Variants in OSBPL3 observed in about 807,000 individuals in gnomAD.
OSBPL3 encodes oxysterol-binding protein-related protein 3.
A neutral mutation model predicts 120.1 loss-of-function variants in OSBPL3; 65 were observed. That is an observed-to-expected ratio of 0.54 (90% CI 0.44 to 0.67). The LOEUF is 0.67. OSBPL3 is among the 30% of genes least tolerant of loss of function. The probability of loss-of-function intolerance (pLI) is 0.00; values close to 1 mark genes in which losing one functional copy is unlikely to be tolerated. For synonymous variants in OSBPL3, 416 were observed against 402.6 expected, an observed-to-expected ratio of 1.03 and a Z score of -0.40; for missense variants, 1,004 against 1,082.1, an observed-to-expected ratio of 0.93 and a Z score of 1.01.
chr7:24,951,458 C>T lies in OSBPL3; in HGVS notation c.-150+28428G>A, dbSNP rs555064532. On this transcript the variant is annotated intron_variant, in intron 1 of 22. Transcript: ENST00000313367. Reference sequence around the variant, plus strand: ...ATCACTGAATGTTATTAAATATATACATCAAATCCATGACTACAGATGTGG... The same window carrying T: ...ATCACTGAATGTTATTAAATATATATATCAAATCCATGACTACAGATGTGG... 3.9e-5 allele frequency among the ~76,000 whole-genome samples: 6 copies of T among 152,192 alleles called. No homozygotes were observed. In the East Asian group the frequency reaches 1.2e-3, roughly 29 times the overall value.
rs894796850 is a variant in OSBPL3 at position 24,968,533 on chromosome 7, A to G, written c.-150+11353T>C. Among the ~76,000 whole-genome samples, 2 of 152,146 alleles carry G rather than the reference A, an allele frequency of 1.3e-5. No individual in the cohort carries two copies. The highest frequency in any genetic ancestry group is 2.9e-5 in the Non-Finnish European group (2 of 68,026). Reference sequence around the variant, plus strand: ...TGCCTCCACCTCCTGCGTAGCCGGGATTACAGGCACACACCACCACGCCCA... The same window carrying G: ...TGCCTCCACCTCCTGCGTAGCCGGGGTTACAGGCACACACCACCACGCCCA... On this transcript the variant is annotated intron_variant, in intron 1 of 22. Coordinates refer to ENST00000313367, the MANE Select transcript of OSBPL3 (RefSeq NM_015550.4). The surrounding 1 kb of genome is among the most constrained non-coding windows in gnomAD (Gnocchi z 4.6).
Position 24,896,470 on chromosome 7 carries a change from A to G in OSBPL3, c.-149-3849T>C, listed in dbSNP as rs1253129301. ...AGCTGTCCTGGGGCTTCCACTAGGAAAAGAGAACCCTGATTTCTACCCAGA... is the reference window on the plus strand; with the variant it reads ...AGCTGTCCTGGGGCTTCCACTAGGAGAAGAGAACCCTGATTTCTACCCAGA... On this transcript the variant is annotated intron_variant, in intron 1 of 22. Coordinates refer to ENST00000313367, the MANE Select transcript of OSBPL3 (RefSeq NM_015550.4). The surrounding 1 kb of genome is among the most constrained non-coding windows in gnomAD (Gnocchi z 4.4). 6.6e-6 allele frequency among the ~76,000 whole-genome samples: 1 copy of G among 152,246 alleles called. No homozygotes were observed. Among genetic ancestry groups the G allele is most frequent in the Non-Finnish European group, 1.5e-5 (1 of 68,048 alleles).
chr7:24,915,527 A>C (rs1809419814), intron 1 of OSBPL3, among the ~76,000 whole-genome samples: 1 of 144,084 alleles, frequency 6.9e-6, no homozygotes, highest in African/African-American at 2.7e-5. Flanking sequence ...TGGCACCCAA[A>C]ACCCCTTTCT....
chr7:24,899,088 C>T lies in OSBPL3; in HGVS notation c.-149-6467G>A, dbSNP rs1806602610. ...CCCAGCAAATCTTTTCTTCTCCAGA[C>T]TAAACAGCCGCATTGTCATCATCAT... On this transcript the variant is annotated intron_variant, in intron 1 of 22. Coordinates refer to ENST00000313367, the MANE Select transcript of OSBPL3 (RefSeq NM_015550.4). This position sits in a 1 kb window ranked among gnomAD's most constrained non-coding sequence, Gnocchi z 4.0. Among the ~76,000 whole-genome samples the T allele has an allele frequency of 1.3e-5, 2 of 152,200 alleles. No homozygotes were observed. The highest frequency in any genetic ancestry group is 1.5e-5 in the Non-Finnish European group (1 of 68,036).
intron 2 of OSBPL3, among the ~76,000 whole-genome samples, chr7:24,892,158 AATAAAATT>A (rs1199779844): frequency 6.6e-6 from 1 of 152,196 alleles, no homozygotes; most frequent in Admixed American, 6.5e-5. Flanking sequence ...GCAAGAATTA[AATAAAATT>A]ATACGAAGAA....
chr7:24,827,840 AT>A lies in OSBPL3; in HGVS notation c.1884+2927del, dbSNP rs1375868398. ...GAGAACTCCTGGCTGCCTGACAGCCATTTTCTGTCAGAGACTCACCAGCGAC... is the reference window on the plus strand; with the variant it reads ...GAGAACTCCTGGCTGCCTGACAGCCATTTCTGTCAGAGACTCACCAGCGAC... On this transcript the variant is annotated intron_variant, in intron 16 of 22. Transcript: ENST00000313367. The surrounding 1 kb of genome is among the most constrained non-coding windows in gnomAD (Gnocchi z 5.1). 6.6e-6 allele frequency among the ~76,000 whole-genome samples: 1 copy of A among 152,182 alleles called. No individual in the cohort carries two copies. The highest frequency in any genetic ancestry group is 1.5e-5 in the Non-Finnish European group (1 of 68,038).
intron 12 of OSBPL3, among the ~76,000 whole-genome samples, chr7:24,844,468 G>C (rs1798157460): frequency 6.6e-6 from 1 of 151,658 alleles, no homozygotes; most frequent in Non-Finnish European, 1.5e-5. Flanking sequence ...ATGTGGCCTA[G>C]AGAAGCCAAA....
rs981714895 is a variant in OSBPL3, at chr7:24,802,465, C to T, written c.2567+1850G>A. 2.0e-5 allele frequency among the ~76,000 whole-genome samples: 3 copies of T among 152,202 alleles called. No individual in the cohort carries two copies. The highest frequency in any genetic ancestry group is 4.1e-4 in the South Asian group (2 of 4,836). ...AGTCAAAAAGAAAAAGAGCAATGGC[C>T]GCCCCAGCTGAAGCAGCTTTCCGTC... On this transcript the variant is annotated intron_variant, in intron 22 of 22. Coordinates refer to ENST00000313367, the MANE Select transcript of OSBPL3 (RefSeq NM_015550.4). This position sits in a 1 kb window ranked among gnomAD's most constrained non-coding sequence, Gnocchi z 4.1.
chr7:24,888,398 G>A (rs1429021099), intron 2 of OSBPL3, among the ~76,000 whole-genome samples: 1 of 152,190 alleles, frequency 6.6e-6, no homozygotes, highest in African/African-American at 2.4e-5. Context: ...TAAGGTCACA[G>A]AACCAATTAA....
In OSBPL3 at chr7:24,863,547, G is replaced by C; in HGVS notation, c.726C>G (p.Ser242Arg). 1 of 1,614,092 alleles carries C rather than the reference G, an allele frequency of 6.2e-7. No individual in the cohort carries two copies. Among genetic ancestry groups the C allele is most frequent in the Non-Finnish European group, 8.5e-7 (1 of 1,179,968 alleles). ...AGTATGTCCGATGCAGGACGTCCAT[G>C]CTTTGCAGGAGCTGGCTCATTTCTA... Reference protein sequence around the residue: ...YLVEMSQLLQSMDVLHRTYSA... With the variant: ...YLVEMSQLLQRMDVLHRTYSA... Residue 242 changes from serine (S) to arginine (R), a missense_variant, in exon 8 of 23, where the codon AGC (serine) becomes AGG (arginine). Physicochemically the swap from Ser to Arg is moderately radical, Grantham distance 110. Transcript: ENST00000313367. This position sits in a 1 kb window ranked among gnomAD's most constrained non-coding sequence, Gnocchi z 5.8.
chr7:24,977,450 A>C lies in OSBPL3; in HGVS notation c.-150+2436T>G, dbSNP rs888942848. Among the ~76,000 whole-genome samples, 11 of 152,240 alleles carry C rather than the reference A, an allele frequency of 7.2e-5. 1 individual carries two copies. The highest frequency in any genetic ancestry group is 6.5e-4 in the Admixed American group (10 of 15,286). The stretch of plus-strand genomic sequence containing the variant: ...AGAATTGAAGTCAGACTATTAAAAA[A>C]TCTAGCTCAGCAATTTACTGGTGAC... On this transcript the variant is annotated intron_variant, in intron 1 of 22. Coordinates refer to ENST00000313367, the MANE Select transcript of OSBPL3 (RefSeq NM_015550.4).
rs758075009 is a variant in OSBPL3, at chr7:24,892,429, ACCAATT to A, written c.38_43del (p.Lys13_Val15delinsIle). ...GCTACTTGTGCTCCTTGAAGGTGAT[ACCAATT>A]TTTGGGACACACCAAGGTTCTTCTC... On this transcript the variant is annotated inframe_deletion, in exon 2 of 23. Coordinates refer to ENST00000313367, the MANE Select transcript of OSBPL3 (RefSeq NM_015550.4). 1 of 1,613,842 alleles carries A rather than the reference ACCAATT, an allele frequency of 6.2e-7. No individual in the cohort carries two copies. Among genetic ancestry groups the A allele is most frequent in the South Asian group, 1.1e-5 (1 of 91,040 alleles).
rs13244325 is a variant in OSBPL3 at position 24,802,624 on chromosome 7, T to G, written c.2567+1691A>C. Among the ~76,000 whole-genome samples the G allele has an allele frequency of 0.08, 12,213 of 152,264 alleles. 695 individuals carry two copies. The highest frequency in any genetic ancestry group is 0.12 in the Non-Finnish European group (7,888 of 68,022). The stretch of plus-strand genomic sequence containing the variant: ...GTAAGGTCATCCTTAATGCCTCATG[T>G]TGGATCGAGTTGGTGAATCTCCTTA... On this transcript the variant is annotated intron_variant, in intron 22 of 22. Coordinates refer to ENST00000313367, the MANE Select transcript of OSBPL3 (RefSeq NM_015550.4). The surrounding 1 kb of genome is among the most constrained non-coding windows in gnomAD (Gnocchi z 4.1).
rs739627 is a variant in OSBPL3 at position 24,813,877 on chromosome 7, C to T, written c.2172+1182G>A. Among the ~76,000 whole-genome samples, 83,541 of 152,038 alleles carry T rather than the reference C, an allele frequency of 0.55. 25,163 individuals carry two copies. Among genetic ancestry groups the T allele is most frequent in the East Asian group, 0.93 (4,811 of 5,176 alleles). ...CAGCAAGGCTGTTAAAATGAGAGACCATTCCATACTTTTTGCCTCTGGCCA... is the reference window on the plus strand; with the variant it reads ...CAGCAAGGCTGTTAAAATGAGAGACTATTCCATACTTTTTGCCTCTGGCCA... On this transcript the variant is annotated intron_variant, in intron 19 of 22. Coordinates refer to ENST00000313367, the MANE Select transcript of OSBPL3 (RefSeq NM_015550.4). The surrounding 1 kb of genome is among the most constrained non-coding windows in gnomAD (Gnocchi z 4.5).
At chr7:24,846,948 A>C (rs1467938337) in intron 12 of OSBPL3, among the ~76,000 whole-genome samples, 2 of 151,882 alleles carry the variant, frequency 1.3e-5, no homozygotes, top group African/African-American at 4.8e-5. Flanking sequence ...CTGTAGCCCC[A>C]GCTGCTGGGA....
At chr7:24,931,682 T>C (rs1013936014) in intron 1 of OSBPL3, among the ~76,000 whole-genome samples, 1 of 152,080 alleles carries the variant, frequency 6.6e-6, no homozygotes, top group African/African-American at 2.4e-5. Flanking sequence ...AAGTCATAAA[T>C]TTAAACAACT....
chr7:24,814,948 C>T, intron 19 of OSBPL3, 111 bp downstream of exon 19: 1 of 993,920 alleles, frequency 1.0e-6, no homozygotes, highest in Non-Finnish European at 1.5e-6. Context: ...GCATTGCTTG[C>T]CTGCTGGCAT....
chr7:24,920,956 T>G (rs1014251781), intron 1 of OSBPL3, among the ~76,000 whole-genome samples: 2 of 152,172 alleles, frequency 1.3e-5, no homozygotes, highest in South Asian at 2.1e-4. Context: ...TTGTTGACAA[T>G]TATATCCAGT....
Position 24,806,716 on chromosome 7 carries a change from T to C in OSBPL3, c.2444+60A>G, listed in dbSNP as rs1793088757. The stretch of plus-strand genomic sequence containing the variant: ...CCTCTGGTGGCCTAAGGATTGTTAA[T>C]AAGACTTTTTGTAAAGGGTTTTACA... On this transcript the variant is annotated intron_variant, in intron 21 of 22. Transcript: ENST00000313367. This position sits in a 1 kb window ranked among gnomAD's most constrained non-coding sequence, Gnocchi z 5.2. The C allele has an allele frequency of 6.5e-7, 1 of 1,542,778 alleles. No individual in the cohort carries two copies. Among genetic ancestry groups the C allele is most frequent in the South Asian group, 1.2e-5 (1 of 83,252 alleles).
Sources: allele counts gnomAD v4.1 joint callset (sites outside exome capture counted in the v4.1 genomes callset), GRCh38; gene constraint gnomAD v4.1.1; non-coding constraint Gnocchi (gnomAD v3.1); transcripts MANE v1.5; gene names NCBI Gene and HGNC (gene_info 2026-07-23, HGNC 2026-07-21).